IFT22: variants seen among roughly 807,000 people sequenced by gnomAD.
IFT22 encodes the protein intraflagellar transport protein 22 homolog.
Under a neutral mutation model 21.0 loss-of-function variants are expected in IFT22, and 13 were observed. That is an observed-to-expected ratio of 0.62 (90% CI 0.40 to 0.98). The LOEUF is 0.98. Among genes scored for constraint, IFT22 ranks in the 50% least tolerant of loss-of-function variants. The probability of loss-of-function intolerance (pLI) is 0.00; values close to 1 mark genes in which losing one functional copy is unlikely to be tolerated. For missense variants in IFT22, 227 were observed against 228.9 expected, an observed-to-expected ratio of 0.99 and a Z score of 0.06; for synonymous variants, 67 against 82.4, an observed-to-expected ratio of 0.81 and a Z score of 1.01.
At chr7:101,318,007 A>G in intron 3 of IFT22, 117 bp downstream of exon 3, 1 of 761,978 alleles carries the variant, frequency 1.3e-6, no homozygotes, top group South Asian at 1.4e-5. Context: ...TCCTCAGGTG[A>G]GCCACCCACC....
At chr7:101,315,778 C>T (rs1365820510) in intron 4 of IFT22, 1 of 179,908 alleles carries the variant, frequency 5.6e-6, no homozygotes, top group East Asian at 1.7e-4. Context: ...GCAACCTCTA[C>T]CTCCCAGGTA....
In IFT22 at chr7:101,316,452, C is replaced by T; in HGVS notation, c.297G>A (p.Met99Ile). 1.2e-6 allele frequency: 2 copies of T among 1,614,162 alleles called. No homozygotes were observed. Among genetic ancestry groups the T allele is most frequent in the Non-Finnish European group, 8.5e-7 (1 of 1,180,032 alleles). ...GGACAAAGCAGGAATACCACATCTC[C>T]ATTTCCTTCCGGTGGCTTGGGATGT... ...NADIPSHRKE[M>I]EMWYSCFVQQ... Residue 99 changes from methionine (M) to isoleucine (I), a missense_variant, in exon 4 of 5, where the codon ATG (methionine) becomes ATA (isoleucine). Physicochemically the swap from Met to Ile is conservative, Grantham distance 10. Transcript: ENST00000315322.
intron 1 of IFT22, among the ~76,000 whole-genome samples, chr7:101,319,491 G>A (rs948989816): frequency 2.0e-5 from 3 of 152,076 alleles, no homozygotes; most frequent in African/African-American, 7.2e-5. Flanking sequence ...CCAGAGTGCT[G>A]GGTTTATAGG....
At position 101,315,156 on chromosome 7, in the gene IFT22, T is replaced by A; in HGVS notation, c.536A>T (p.Glu179Val). The change falls in exon 5 of 5, where the codon GAG becomes GTG. Residue 179 changes from glutamate (E) to valine (V), a missense_variant. By Grantham distance (121) the Glu-to-Val change is moderately radical (BLOSUM62 -2). Transcript: ENST00000315322. The part of the protein sequence containing the change: ...INSMSESRDR[E>V]EMSIMT The stretch of plus-strand genomic sequence containing the variant: ...TGGCTAGGTCATAATTGACATCTCC[T>A]CCCTGTCTCTGCTCTCAGACATGGA... 6.2e-7 allele frequency: 1 copy of A among 1,614,014 alleles called. No homozygotes were observed. The highest frequency in any genetic ancestry group is 1.3e-5 in the African/African-American group (1 of 75,012).
At position 101,311,143 on chromosome 7, in the gene IFT22, G is replaced by A. The variant is rs1334102394; in HGVS notation, c.*3991C>T. Among the ~76,000 whole-genome samples the A allele has an allele frequency of 2.6e-5, 4 of 151,762 alleles. No individual in the cohort carries two copies. The highest frequency in any genetic ancestry group is 5.9e-5 in the Non-Finnish European group (4 of 67,946). ...TGAGTAGCTGGGACTACAGGTGCCC[G>A]CCACCACACCCGGCTTATTTTTTGT... On this transcript the variant is annotated 3_prime_UTR_variant, in exon 5 of 5. Coordinates refer to ENST00000315322, the MANE Select transcript of IFT22 (RefSeq NM_022777.4).
intron 4 of IFT22, chr7:101,315,584 A>T: frequency 5.8e-6 from 2 of 342,060 alleles, no homozygotes; most frequent in African/African-American, 2.2e-5. Flanking sequence ...CACCTCTGGG[A>T]TGTGTGTTAT....
chr7:101,312,725 C>T lies in IFT22; in HGVS notation c.*2409G>A, dbSNP rs958613773. ...TAATTTTTTGTGTTTTTAGTAGAGTCGGGGTTTCACCATGTTGGACAGGCT... is the reference window on the plus strand; with the variant it reads ...TAATTTTTTGTGTTTTTAGTAGAGTTGGGGTTTCACCATGTTGGACAGGCT... On this transcript the variant is annotated 3_prime_UTR_variant, in exon 5 of 5. Transcript: ENST00000315322. Among the ~76,000 whole-genome samples, 49 of 150,050 alleles carry T rather than the reference C, an allele frequency of 3.3e-4. No homozygotes were observed. The highest frequency in any genetic ancestry group is 1.1e-3 in the African/African-American group (46 of 40,660).
rs776119398 is a variant in IFT22 at position 101,312,530 on chromosome 7, G to GTTTTTTTTTT, written c.*2603_*2604insAAAAAAAAAA. Among the ~76,000 whole-genome samples, 2 of 126,580 alleles carry GTTTTTTTTTT rather than the reference G, an allele frequency of 1.6e-5. No individual in the cohort carries two copies. The highest frequency in any genetic ancestry group is 3.2e-5 in the Non-Finnish European group (2 of 62,312). 83.0% of individuals were successfully genotyped at this position (126,580 alleles called of 152,430 possible). A position where few individuals can be genotyped will look rare whatever the true frequency, so the allele number is the denominator to read the frequency against. On this transcript the variant is annotated 3_prime_UTR_variant, in exon 5 of 5. Coordinates refer to ENST00000315322, the MANE Select transcript of IFT22 (RefSeq NM_022777.4). ...AAATAAATATAATGTTTTGGAGAGAGTTGTTTTTTTTTTTTTTTTTTTTGT... is the reference window on the plus strand; with the variant it reads ...AAATAAATATAATGTTTTGGAGAGAGTTTTTTTTTTTTGTTTTTTTTTTTTTTTTTTTTGT...
Position 101,314,650 on chromosome 7 carries a change from C to T in IFT22, c.*484G>A, listed in dbSNP as rs918230425. The T allele has an allele frequency of 3.9e-5, 6 of 152,528 alleles. No individual in the cohort carries two copies. The highest frequency in any genetic ancestry group is 1.2e-4 in the African/African-American group (5 of 41,440). The allele number at this position is 152,528 out of a possible 1,614,324, so 9.4% of individuals were successfully genotyped here. A position where few individuals can be genotyped will look rare whatever the true frequency, so the allele number is the denominator to read the frequency against. On this transcript the variant is annotated 3_prime_UTR_variant, in exon 5 of 5. Coordinates refer to ENST00000315322, the MANE Select transcript of IFT22 (RefSeq NM_022777.4). ...ACATTTAGGAAAATGGAGAGTTCCA[C>T]GAAGGTGGGAATTTCTGTCTTTTTC... is the stretch of plus-strand genomic sequence containing the variant.
Position 101,318,169 on chromosome 7 carries a change from C to G in IFT22, c.161G>C (p.Gly54Ala). Residue 54 changes from glycine to alanine, a missense_variant, in exon 3 of 5, where the codon GGC becomes GCC. Gly to Ala is a moderately conservative substitution (Grantham distance 60). Transcript: ENST00000315322. ...CCATAGCTCGAATTCACAGCCCGTG[C>G]CTTTGTTGTTGCTGGTAACATGCGG... ...ENPHVTSNNK[G>A]TGCEFELWDC... 6.2e-7 allele frequency: 1 copy of G among 1,613,592 alleles called. No individual in the cohort carries two copies.
intron 1 of IFT22, among the ~76,000 whole-genome samples, chr7:101,319,290 G>C (rs1790259422): frequency 6.6e-6 from 1 of 152,148 alleles, no homozygotes; most frequent in Non-Finnish European, 1.5e-5. Context: ...TGCCCAGGCT[G>C]TGATCTAGGC....
rs771002178 is a variant in IFT22, at chr7:101,318,162, G to A, written c.168C>T (p.Gly56=). 3.7e-6 allele frequency: 6 copies of A among 1,613,480 alleles called. No individual in the cohort carries two copies. The South Asian group carries it at 6.6e-5, about 18-fold the overall frequency. The change falls in exon 3 of 5, where the codon GGC becomes GGT. Residue 56 remains glycine (G), a synonymous_variant. Coordinates refer to ENST00000315322, the MANE Select transcript of IFT22 (RefSeq NM_022777.4). The part of the protein sequence containing the change: ...PHVTSNNKGT[G]CEFELWDCGG... ...CACAGTCCCATAGCTCGAATTCACA[G>A]CCCGTGCCTTTGTTGTTGCTGGTAA...
rs1182336023 is a variant in IFT22, at chr7:101,311,011, TGAGATGGAGTCTCGCTC to T, written c.*4106_*4122del. The T allele has an allele frequency of 6.5e-6, 2 of 308,706 alleles. No homozygotes were observed. The highest frequency in any genetic ancestry group is 1.3e-5 in the Non-Finnish European group (2 of 156,928). 19.1% of individuals were successfully genotyped at this position (308,706 alleles called of 1,614,324 possible). A position where few individuals can be genotyped will look rare whatever the true frequency, so the allele number is the denominator to read the frequency against. ...TTAATTTTTTTTTTTTTTTTTTTTT[TGAGATGGAGTCTCGCTC>T]TGTCGCCCAGGCTGGAGTGCAGTGG... On this transcript the variant is annotated 3_prime_UTR_variant, in exon 5 of 5. Transcript: ENST00000315322.
chr7:101,321,617 C>T (rs1790353802), intron 1 of IFT22, 54 bp downstream of exon 1: 4 of 1,543,464 alleles, frequency 2.6e-6, no homozygotes, highest in Non-Finnish European at 3.5e-6. Context: ...CTGCGCTCGC[C>T]CAGGCCCCGA....
rs368062399 is a variant in IFT22 at position 101,311,659 on chromosome 7, T to C, written c.*3475A>G. On this transcript the variant is annotated 3_prime_UTR_variant, in exon 5 of 5. Coordinates refer to ENST00000315322, the MANE Select transcript of IFT22 (RefSeq NM_022777.4). ...GAGCTACATCTACCATTTCATCTAC[T>C]TAGTGTATTTTCTTATTGGCTATGT... Among the ~76,000 whole-genome samples, 16 of 152,360 alleles carry C rather than the reference T, an allele frequency of 1.1e-4. No individual in the cohort carries two copies. The highest frequency in any genetic ancestry group is 3.8e-4 in the African/African-American group (16 of 41,582).
rs1259933614 is a variant in IFT22 at position 101,312,467 on chromosome 7, C to T, written c.*2667G>A. Among the ~76,000 whole-genome samples the T allele has an allele frequency of 6.6e-6, 1 of 150,958 alleles. No individual in the cohort carries two copies. Among genetic ancestry groups the T allele is most frequent in the African/African-American group, 2.4e-5 (1 of 41,024 alleles). ...AACAAAAAATTGTGTCTGTACTCCA[C>T]TTTCCAACTGGATATAGTGTCCATA... On this transcript the variant is annotated 3_prime_UTR_variant, in exon 5 of 5. Transcript: ENST00000315322.
chr7:101,313,155 T>C lies in IFT22; in HGVS notation c.*1979A>G, dbSNP rs770550921. On this transcript the variant is annotated 3_prime_UTR_variant, in exon 5 of 5. Transcript: ENST00000315322. ...GGCCTCCAGGCTCAAGCAATTCTTA[T>C]GCCTCAGCCACATGAGTAGCTGGTA... Among the ~76,000 whole-genome samples, 1 of 152,178 alleles carries C rather than the reference T, an allele frequency of 6.6e-6. No homozygotes were observed. Among genetic ancestry groups the C allele is most frequent in the Admixed American group, 6.5e-5 (1 of 15,268 alleles).
chr7:101,319,133 T>C, intron 1 of IFT22, 101 bp from the exon 2 acceptor site: 1 of 1,114,394 alleles, frequency 9.0e-7, no homozygotes, highest in Admixed American at 1.9e-5. Context: ...TGGTGCAGTA[T>C]AGGTCATGGG....
At chr7:101,318,703 C>T (rs1376625183) in intron 2 of IFT22, 2 of 438,474 alleles carry the variant, frequency 4.6e-6, no homozygotes, top group Non-Finnish European at 8.3e-6. Context: ...GTGGCACGAT[C>T]ATAGCTCACT....
Sources: allele counts gnomAD v4.1 joint callset (sites outside exome capture counted in the v4.1 genomes callset), GRCh38; gene constraint gnomAD v4.1.1; transcripts MANE v1.5; gene names NCBI Gene and HGNC (gene_info 2026-07-23, HGNC 2026-07-21).